The following FRMPD4 variants were observed in gnomAD, a reference collection of about 807,000 sequenced individuals.
FRMPD4 encodes FERM and PDZ domain containing 4, also known as FERM and PDZ domain-containing protein 4.
FRMPD4 carries 22 observed loss-of-function variants against 94.1 expected under a neutral mutation model. The ratio of observed to expected loss-of-function variants is 0.23; its 90% CI spans 0.17 to 0.33. FRMPD4 has a LOEUF of 0.33. Among genes scored for constraint, FRMPD4 ranks in the 10% least tolerant of loss-of-function variants. The pLI is 1.00. For synonymous variants in FRMPD4, 631 were observed against 548.6 expected (o/e 1.15, Z -2.10); for missense variants, 1,111 against 1,339.9 (o/e 0.83, Z 2.67).
At chrX:11,933,752 G>GT (rs777363236) in intron 3 of FRMPD4, among the ~76,000 whole-genome samples, 7 of 111,287 alleles carry the variant, frequency 6.3e-5, no homozygotes, top group South Asian at 3.8e-4. Flanking sequence ...GCTTTGTGGG[G>GT]TTTTTTTTAG....
chrX:12,018,672 C>G (rs1178492495), intron 3 of FRMPD4, among the ~76,000 whole-genome samples: 1 of 111,262 alleles, frequency 9.0e-6, no homozygotes, highest in Non-Finnish European at 1.9e-5. Context: ...CCGCCTTGGC[C>G]TCCCAAAGTG....
intron 1 of FRMPD4, among the ~76,000 whole-genome samples, chrX:12,325,481 C>A (rs1360043550): frequency 8.9e-6 from 1 of 112,560 alleles, no homozygotes; most frequent in Non-Finnish European, 1.9e-5. Context: ...AAATGGGGCA[C>A]TTGAAGTTAT....
chrX:12,395,383 A>C (rs2148045006), intron 1 of FRMPD4, among the ~76,000 whole-genome samples: 1 of 112,364 alleles, frequency 8.9e-6, no homozygotes, highest in East Asian at 2.8e-4. Context: ...AAAGATGGTG[A>C]TATGAACTAT....
At chrX:11,955,574 C>G (rs748018999) in intron 3 of FRMPD4, among the ~76,000 whole-genome samples, 2 of 109,588 alleles carry the variant, frequency 1.8e-5, no homozygotes, top group East Asian at 5.7e-4. Flanking sequence ...CCCGTCTCTA[C>G]TAAAAAAATA....
intron 2 of FRMPD4, among the ~76,000 whole-genome samples, chrX:11,873,421 C>A (rs2053765670): frequency 9.0e-6 from 1 of 110,701 alleles, no homozygotes; most frequent in East Asian, 2.8e-4. Context: ...TAGTGATGAA[C>A]AATCAGAAAT....
At chrX:12,055,733 C>T (rs1218102054) in intron 3 of FRMPD4, among the ~76,000 whole-genome samples, 3 of 111,665 alleles carry the variant, frequency 2.7e-5, no homozygotes, top group Non-Finnish European at 5.6e-5. Flanking sequence ...TCTTTTAGTT[C>T]ATAAAAGGCC....
chrX:12,719,513 A>G (rs769891841), intron 16 of FRMPD4, among the ~76,000 whole-genome samples: 49 of 112,318 alleles, frequency 4.4e-4, no homozygotes, highest in Non-Finnish European at 8.3e-4. Flanking sequence ...AAAAGCAGAT[A>G]CTCTTTCATA....
rs184321006 is a variant in FRMPD4, at chrX:12,063,446, T to C, written c.95+185428T>C. ...TTAGTTTTTCTTAAAGAACAAATAT[T>C]GAAATTTATCAAATGCTTTTTATTA... On this transcript the variant is annotated intron_variant, in intron 3 of 18. Coordinates refer to the FRMPD4 transcript ENST00000640291. Among the ~76,000 whole-genome samples, 4 of 112,999 alleles carry C rather than the reference T, an allele frequency of 3.5e-5. No homozygotes were observed. In the East Asian group the frequency reaches 1.1e-3, roughly 31 times the overall value.
intron 1 of FRMPD4, among the ~76,000 whole-genome samples, chrX:12,276,606 A>C (rs765671771): frequency 9.0e-6 from 1 of 111,392 alleles, no homozygotes; most frequent in Non-Finnish European, 1.9e-5. Context: ...ATAGATTATA[A>C]AATTTCTTAT....
chrX:11,986,516 A>G (rs572916039), intron 3 of FRMPD4, among the ~76,000 whole-genome samples: 1 of 112,042 alleles, frequency 8.9e-6, no homozygotes, highest in East Asian at 2.8e-4. Context: ...ATCTTAAGGA[A>G]CTAGAAAAGC....
At chrX:12,348,496 A>G (rs2407937) in intron 1 of FRMPD4, among the ~76,000 whole-genome samples, 36,682 of 107,709 alleles carry the variant, frequency 0.34, 4,677 homozygotes, top group South Asian at 0.45. Context: ...AGGAGGACCC[A>G]GGTAATTTCT....
chrX:12,329,912 G>C (rs1355607846), intron 1 of FRMPD4, among the ~76,000 whole-genome samples: 2 of 108,634 alleles, frequency 1.8e-5, no homozygotes, highest in Non-Finnish European at 3.8e-5. Flanking sequence ...CCCTATCTTG[G>C]CCAACAGTCA....
intron 1 of FRMPD4, among the ~76,000 whole-genome samples, chrX:12,160,096 TGTATGTGCCTGTGTGTGC>T (rs897173151): frequency 9.1e-6 from 1 of 110,151 alleles, no homozygotes; most frequent in African/African-American, 3.3e-5. Context: ...TGTGTGTGTG[TGTATGTGCCTGTGTGTGC>T]GTGCGTGTAT....
chrX:12,565,241 T>C (rs2058700839), intron 2 of FRMPD4, among the ~76,000 whole-genome samples: 1 of 112,046 alleles, frequency 8.9e-6, no homozygotes, highest in African/African-American at 3.2e-5. Context: ...TTTATGTGGC[T>C]ACTCCTCCCC....
intron 1 of FRMPD4, among the ~76,000 whole-genome samples, chrX:12,311,018 A>G (rs1417297334): frequency 2.7e-5 from 3 of 112,516 alleles, no homozygotes; most frequent in Admixed American, 9.4e-5. Context: ...ATTTAAATCT[A>G]CCATCTTCTT....
intron 1 of FRMPD4, among the ~76,000 whole-genome samples, chrX:12,154,827 T>C (rs12850788): frequency 0.13 from 14,520 of 111,914 alleles, 706 homozygotes; most frequent in South Asian, 0.32. Flanking sequence ...ATCCAGGTGT[T>C]TTCTCTCTTC....
chrX:12,510,622 C>T (rs1447026593), intron 2 of FRMPD4, among the ~76,000 whole-genome samples: 1 of 112,278 alleles, frequency 8.9e-6, no homozygotes, highest in African/African-American at 3.2e-5. Flanking sequence ...TGAAAAGTTA[C>T]AGCATCTAGA....
At chrX:11,874,938 T>G in intron 2 of FRMPD4, among the ~76,000 whole-genome samples, 1 of 111,947 alleles carries the variant, frequency 8.9e-6, no homozygotes, top group South Asian at 3.8e-4. Context: ...GGATTGGCAC[T>G]AAAAGCATGA....
intron 3 of FRMPD4, among the ~76,000 whole-genome samples, chrX:12,044,056 G>A (rs966568317): frequency 9.0e-6 from 1 of 111,516 alleles, no homozygotes; most frequent in East Asian, 2.8e-4. Context: ...CCAGTTTTCT[G>A]AATGATAAAA....
Sources: gnomAD v4.1 joint callset for allele counts (sites outside exome capture counted in the v4.1 genomes callset) on GRCh38, gnomAD v4.1.1 for gene constraint, MANE v1.5 for transcripts, NCBI Gene and HGNC (gene_info 2026-07-23, HGNC 2026-07-21) for gene names.